Variants in MYO3B observed in about 807,000 individuals in gnomAD.
MYO3B encodes myosin-IIIb.
MYO3B carries 156 observed loss-of-function variants against 174.6 expected under a neutral mutation model. The observed-to-expected ratio is 0.89, with a 90% confidence interval of 0.78 to 1.02. MYO3B has a LOEUF of 1.02. MYO3B is among the 50% of genes least tolerant of loss of function. The probability of loss-of-function intolerance (pLI) is 0.00; values close to 1 mark genes in which losing one functional copy is unlikely to be tolerated. For missense variants in MYO3B, 1,632 were observed against 1,639.4 expected (o/e 1.00, Z 0.08); for synonymous variants, 563 against 569.1 (o/e 0.99, Z 0.15).
At chr2:170,247,267 G>A (rs1174989515) in intron 7 of MYO3B, among the ~76,000 whole-genome samples, 1 of 152,140 alleles carries the variant, frequency 6.6e-6, no homozygotes, top group Non-Finnish European at 1.5e-5. Context: ...TAGCTGTTGT[G>A]GCCTATCTGG....
At chr2:170,515,924 C>G (rs1361734575) in intron 29 of MYO3B, among the ~76,000 whole-genome samples, 2 of 152,060 alleles carry the variant, frequency 1.3e-5, no homozygotes, top group East Asian at 3.9e-4. Flanking sequence ...AGGAGAACAT[C>G]AGTGTTTCTT....
intron 25 of MYO3B, among the ~76,000 whole-genome samples, chr2:170,475,685 C>T (rs1685271011): frequency 6.6e-6 from 1 of 152,162 alleles, no homozygotes. Flanking sequence ...TTTATACTGC[C>T]ACCAGAATTA....
At chr2:170,283,817 A>C (rs1574714023) in intron 7 of MYO3B, among the ~76,000 whole-genome samples, 1 of 152,342 alleles carries the variant, frequency 6.6e-6, no homozygotes, top group East Asian at 1.9e-4. Flanking sequence ...AGCACATTAT[A>C]TTTGGATTCC....
At position 170,405,659 on chromosome 2, in the gene MYO3B, A is replaced by G. The variant is rs748738413; in HGVS notation, c.2520+26A>G. 6.2e-6 allele frequency: 10 copies of G among 1,606,394 alleles called. No homozygotes were observed. In the South Asian group the frequency reaches 9.9e-5, roughly 16 times the overall value. ...GTGAGGCCAGTGTGACAGTTATTAGACCTGAATTTGGCAAAGGGTAAGTGT... is the reference window on the plus strand; with the variant it reads ...GTGAGGCCAGTGTGACAGTTATTAGGCCTGAATTTGGCAAAGGGTAAGTGT... On this transcript the variant is annotated intron_variant, in intron 21 of 34. Transcript: ENST00000408978.
At chr2:170,463,266 C>A in intron 23 of MYO3B, 102 bp from the exon 24 acceptor site, 3 of 857,684 alleles carry the variant, frequency 3.5e-6, no homozygotes, top group Non-Finnish European at 5.7e-6. Flanking sequence ...ATACCATGGC[C>A]CCTCAGGTAT....
intron 8 of MYO3B, among the ~76,000 whole-genome samples, chr2:170,351,769 A>G (rs1348066639): frequency 2.0e-5 from 3 of 152,230 alleles, no homozygotes; most frequent in South Asian, 2.1e-4. Flanking sequence ...TGAAGCATAA[A>G]TTCGTTTGAA....
chr2:170,599,576 A>G (rs1304040945), intron 32 of MYO3B, among the ~76,000 whole-genome samples: 1 of 152,144 alleles, frequency 6.6e-6, no homozygotes. Context: ...GTGAAACCCC[A>G]TCTCTACTAA....
At chr2:170,540,069 T>C (rs1409246735) in intron 30 of MYO3B, among the ~76,000 whole-genome samples, 1 of 152,050 alleles carries the variant, frequency 6.6e-6, no homozygotes, top group African/African-American at 2.4e-5. Flanking sequence ...TCTGTAAAAA[T>C]AGGTTATTTT....
chr2:170,416,522 C>CAAA (rs1209503137), intron 22 of MYO3B, among the ~76,000 whole-genome samples: 5 of 60,104 alleles, frequency 8.3e-5, no homozygotes, highest in African/African-American at 2.0e-4. Flanking sequence ...GACTCCGTCT[C>CAAA]AAAAAAAAAA....
chr2:170,414,781 A>G (rs2094567864), intron 22 of MYO3B, among the ~76,000 whole-genome samples: 2 of 152,180 alleles, frequency 1.3e-5, no homozygotes, highest in African/African-American at 4.8e-5. Context: ...TTCAGCATGC[A>G]GATCCTGTAC....
Position 170,387,384 on chromosome 2 carries a change from G to A in MYO3B, c.1577+76G>A, listed in dbSNP as rs2094384400. ...AGACTTTGGAAATTTTAATGGTTCAGTTTTCATTCTTGTTCTTAACATTCC... is the reference window on the plus strand; with the variant it reads ...AGACTTTGGAAATTTTAATGGTTCAATTTTCATTCTTGTTCTTAACATTCC... On this transcript the variant is annotated intron_variant, in intron 14 of 34. Coordinates refer to ENST00000408978, the MANE Select transcript of MYO3B (RefSeq NM_138995.5). 2.9e-6 allele frequency: 4 copies of A among 1,358,340 alleles called. No homozygotes were observed. The Admixed American group carries it at 7.1e-5, about 24-fold the overall frequency. The allele number at this position is 1,358,340 out of a possible 1,614,324, so 84.1% of individuals were successfully genotyped here.
intron 32 of MYO3B, among the ~76,000 whole-genome samples, chr2:170,571,080 G>A (rs1447372992): frequency 1.3e-5 from 2 of 152,116 alleles, no homozygotes; most frequent in African/African-American, 4.8e-5. Flanking sequence ...TAATTTTTCA[G>A]GCTAGCTGGC....
chr2:170,519,456 A>T lies in MYO3B; in HGVS notation c.3491A>T (p.His1164Leu). Residue 1164 changes from histidine (H) to leucine (L), a missense_variant, in exon 30 of 35, where the codon CAT becomes CTT. His to Leu is a moderately conservative substitution (Grantham distance 99). Transcript: ENST00000408978. Reference sequence around the variant, plus strand: ...CTCTCAGTTCTCAGGGGCTCTGTACATCGTAGGAGCCATTCACAAGCAGAA... The same window carrying T: ...CTCTCAGTTCTCAGGGGCTCTGTACTTCGTAGGAGCCATTCACAAGCAGAA... ...GDHKVLRGSV[H>L]RRSHSQAESN... 1 of 1,613,772 alleles carries T rather than the reference A, an allele frequency of 6.2e-7. No homozygotes were observed. Among genetic ancestry groups the T allele is most frequent in the Non-Finnish European group, 8.5e-7 (1 of 1,179,902 alleles).
chr2:170,407,262 C>T (rs978997347), intron 21 of MYO3B, among the ~76,000 whole-genome samples: 15 of 142,494 alleles, frequency 1.1e-4, no homozygotes, highest in Middle Eastern at 3.6e-3. Context: ...GAGATCAAGA[C>T]CATCCTGGCT....
intron 23 of MYO3B, among the ~76,000 whole-genome samples, chr2:170,455,996 G>T (rs1383820575): frequency 1.3e-5 from 2 of 152,142 alleles, no homozygotes; most frequent in Non-Finnish European, 2.9e-5. Context: ...CTGAAAGTTT[G>T]CTGAAAATAA....
chr2:170,407,606 A>AGCTCTG, intron 21 of MYO3B, 109 bp from the exon 22 acceptor site: 3 of 1,250,900 alleles, frequency 2.4e-6, no homozygotes, highest in Non-Finnish European at 2.3e-6. Flanking sequence ...AGCTATGTAA[A>AGCTCTG]GATGAGTTCT....
chr2:170,208,504 G>A (rs1425501245), intron 3 of MYO3B, among the ~76,000 whole-genome samples: 1 of 152,128 alleles, frequency 6.6e-6, no homozygotes, highest in Non-Finnish European at 1.5e-5. Context: ...GGCAGTATTT[G>A]CAGGATAATT....
chr2:170,219,895 A>G (rs1220063349), intron 6 of MYO3B, among the ~76,000 whole-genome samples: 3 of 152,236 alleles, frequency 2.0e-5, no homozygotes. Context: ...TCAAAATCAC[A>G]AAATATAATT....
chr2:170,567,981 A>C (rs1340749976), intron 32 of MYO3B, among the ~76,000 whole-genome samples: 1 of 152,196 alleles, frequency 6.6e-6, no homozygotes, highest in East Asian at 1.9e-4. Flanking sequence ...GCCAAGGTGC[A>C]CTGATGGGTC....
Sources: gnomAD v4.1 joint callset for allele counts (sites outside exome capture counted in the v4.1 genomes callset) on GRCh38, gnomAD v4.1.1 for gene constraint, MANE v1.5 for transcripts, NCBI Gene and HGNC (gene_info 2026-07-23, HGNC 2026-07-21) for gene names.